ASTN1: variants seen among roughly 807,000 people sequenced by gnomAD.
ASTN1 encodes the protein astrotactin 1, also known as astrotactin-1.
ASTN1 carries 41 observed loss-of-function variants against 140.7 expected under a neutral mutation model. The ratio of observed to expected loss-of-function variants is 0.29; its 90% confidence interval spans 0.23 to 0.38. The LOEUF is 0.38. Ranked by LOEUF, ASTN1 falls within the 10% of genes least tolerant of loss-of-function variation. ASTN1 has a pLI of 1.00. For synonymous variants in ASTN1, 640 were observed against 652.2 expected, an observed-to-expected ratio of 0.98 and a Z score of 0.29; for missense variants, 1,479 against 1,678.8, an observed-to-expected ratio of 0.88 and a Z score of 2.08.
intron 16 of ASTN1, among the ~76,000 whole-genome samples, chr1:176,926,086 T>C (rs185905134): frequency 1.2e-4 from 18 of 152,216 alleles, no homozygotes; most frequent in East Asian, 7.7e-4. Flanking sequence ...GGATTACAGG[T>C]GTGAGCCACC....
intron 2 of ASTN1, among the ~76,000 whole-genome samples, chr1:177,051,480 C>T (rs1238022055): frequency 2.0e-5 from 3 of 152,214 alleles, no homozygotes; most frequent in African/African-American, 4.8e-5. Context: ...CTTGGATGGC[C>T]TATAAAGCTA....
intron 1 of ASTN1, among the ~76,000 whole-genome samples, chr1:177,083,767 C>A (rs1327147652): frequency 6.6e-6 from 1 of 152,090 alleles, no homozygotes; most frequent in Non-Finnish European, 1.5e-5. Flanking sequence ...TCAGTGGTAA[C>A]CACCTGGGGT....
intron 2 of ASTN1, among the ~76,000 whole-genome samples, chr1:177,035,528 T>C (rs1676671618): frequency 6.6e-6 from 1 of 152,168 alleles, no homozygotes; most frequent in Non-Finnish European, 1.5e-5. Flanking sequence ...AAATCCAAGA[T>C]TAGTTGGTAG....
At chr1:176,969,559 G>A (rs772008591) in intron 8 of ASTN1, among the ~76,000 whole-genome samples, 18 of 152,126 alleles carry the variant, frequency 1.2e-4, no homozygotes, top group Non-Finnish European at 1.8e-4. Flanking sequence ...TGCTTGTAAT[G>A]GTAAGAGTGT....
Position 177,149,268 on chromosome 1 carries a change from A to AGTATATATAGTAAATATATATATAGT in ASTN1, c.283+15125_283+15126insACTATATATATATTTACTATATATAC, listed in dbSNP as rs1415378813. On this transcript the variant is annotated intron_variant, in intron 1 of 22. Coordinates refer to ENST00000361833, the MANE Select transcript of ASTN1 (RefSeq NM_004319.3). ...TACTATATATAGTAAATATATATATACTATATATAGTAAATATATATATAG... is the reference window on the plus strand; with the variant it reads ...TACTATATATAGTAAATATATATATAGTATATATAGTAAATATATATATAGTCTATATATAGTAAATATATATATAG... 3.7e-3 allele frequency among the ~76,000 whole-genome samples: 310 copies of AGTATATATAGTAAATATATATATAGT among 83,252 alleles called. 50 individuals carry two copies. Among genetic ancestry groups the AGTATATATAGTAAATATATATATAGT allele is most frequent in the Non-Finnish European group, 5.3e-3 (263 of 49,258 alleles). 54.6% of individuals were successfully genotyped at this position (83,252 alleles called of 152,430 possible).
intron 1 of ASTN1, among the ~76,000 whole-genome samples, chr1:177,101,199 A>G (rs1391416080): frequency 6.6e-6 from 1 of 152,232 alleles, no homozygotes; most frequent in African/African-American, 2.4e-5. Flanking sequence ...AATTCCACTC[A>G]TTATTATACA....
chr1:177,146,231 A>T (rs189380832), intron 1 of ASTN1, among the ~76,000 whole-genome samples: 80 of 152,336 alleles, frequency 5.3e-4, no homozygotes, highest in African/African-American at 1.9e-3. Flanking sequence ...TTTAGCAAAT[A>T]CACTACACCA....
intron 18 of ASTN1, 92 bp from the exon 19 acceptor site, chr1:176,884,582 C>G: frequency 7.2e-7 from 1 of 1,381,526 alleles, no homozygotes; most frequent in Non-Finnish European, 9.9e-7. Flanking sequence ...GTAAGCTTTT[C>G]TTTCCCAACC....
chr1:177,000,497 C>T (rs975058941), intron 8 of ASTN1, among the ~76,000 whole-genome samples: 1 of 152,162 alleles, frequency 6.6e-6, no homozygotes, highest in Non-Finnish European at 1.5e-5. Flanking sequence ...GCAGAGACAT[C>T]ATCCTATACA....
chr1:177,132,310 G>C (rs1363057178), intron 1 of ASTN1, among the ~76,000 whole-genome samples: 2 of 152,136 alleles, frequency 1.3e-5, no homozygotes, highest in African/African-American at 4.8e-5. Flanking sequence ...CTGCCTTTTA[G>C]GTTACCAGTT....
chr1:177,126,529 A>C (rs2102192366), intron 1 of ASTN1, among the ~76,000 whole-genome samples: 1 of 152,308 alleles, frequency 6.6e-6, no homozygotes, highest in South Asian at 2.1e-4. Context: ...ATAAAGGACG[A>C]ATGGAAAACA....
chr1:176,983,810 T>C (rs762116005), intron 8 of ASTN1, among the ~76,000 whole-genome samples: 25 of 152,226 alleles, frequency 1.6e-4, no homozygotes, highest in Non-Finnish European at 2.8e-4. Context: ...GCCTAGAATG[T>C]ATTCGCGCTG....
chr1:177,031,226 G>T (rs148803631), intron 3 of ASTN1, among the ~76,000 whole-genome samples: 1 of 152,252 alleles, frequency 6.6e-6, no homozygotes, highest in East Asian at 1.9e-4. Context: ...GTATTGATAA[G>T]GTCAGCACTT....
intron 1 of ASTN1, among the ~76,000 whole-genome samples, chr1:177,079,453 G>C (rs1245796409): frequency 6.6e-6 from 1 of 152,148 alleles, no homozygotes; most frequent in African/African-American, 2.4e-5. Flanking sequence ...TAGACCCTAT[G>C]AGTTGAGGTT....
chr1:176,874,475 G>T (rs972886099), intron 21 of ASTN1, among the ~76,000 whole-genome samples: 1 of 152,108 alleles, frequency 6.6e-6, no homozygotes, highest in South Asian at 2.1e-4. Flanking sequence ...CCATTTTTTG[G>T]TAACATGGAC....
intron 18 of ASTN1, among the ~76,000 whole-genome samples, chr1:176,887,748 TCTAGTTATGCTGTCCTA>T (rs1022977432): frequency 6.6e-6 from 1 of 151,924 alleles, no homozygotes; most frequent in African/African-American, 2.4e-5. Context: ...CCCATTGTCT[TCTAGTTATGCTGTCCTA>T]CTTTCTCCAC....
chr1:177,058,617 T>C (rs956976968), intron 2 of ASTN1, among the ~76,000 whole-genome samples: 4 of 152,186 alleles, frequency 2.6e-5, no homozygotes, highest in Admixed American at 6.5e-5. Flanking sequence ...GTTTTTCATA[T>C]GGGTTGTTCT....
intron 8 of ASTN1, among the ~76,000 whole-genome samples, chr1:176,970,068 T>C (rs227989): frequency 0.029 from 4,367 of 152,348 alleles, 184 homozygotes; most frequent in African/African-American, 0.091. Context: ...TTCTTCCTCC[T>C]GTCTCACACA....
chr1:176,860,810 T>A (rs1033817766), downstream of ASTN1, among the ~76,000 whole-genome samples: 1 of 152,236 alleles, frequency 6.6e-6, no homozygotes, highest in African/African-American at 2.4e-5. Context: ...ATATAGCAGC[T>A]GTGCAACAAA....
Sources: gnomAD v4.1 joint callset for allele counts (sites outside exome capture counted in the v4.1 genomes callset) on GRCh38, gnomAD v4.1.1 for gene constraint, MANE v1.5 for transcripts, NCBI Gene and HGNC (gene_info 2026-07-23, HGNC 2026-07-21) for gene names.